The following TTLL11 variants were observed in gnomAD, a reference collection of about 807,000 sequenced individuals.
TTLL11 encodes tubulin polyglutamylase TTLL11.
Under a neutral mutation model 51.7 loss-of-function variants are expected in TTLL11, and 42 were observed. That is an observed-to-expected ratio of 0.81 (90% CI 0.64 to 1.05). TTLL11 has a LOEUF of 1.05. Among genes scored for constraint, TTLL11 ranks in the 50% least tolerant of loss-of-function variants. The pLI is 0.00. For missense variants in TTLL11, 799 were observed against 940.4 expected (o/e 0.85, Z 1.97); for synonymous variants, 381 against 383.5 (o/e 0.99, Z 0.08).
At chr9:122,060,325 A>G (rs1171771459) in intron 1 of TTLL11, among the ~76,000 whole-genome samples, 1 of 152,252 alleles carries the variant, frequency 6.6e-6, no homozygotes, top group East Asian at 1.9e-4. Context: ...AATTTAATAA[A>G]TACCTTTTCA....
intron 7 of TTLL11, among the ~76,000 whole-genome samples, chr9:121,868,622 A>C (rs1434948107): frequency 6.6e-6 from 1 of 152,204 alleles, no homozygotes; most frequent in Non-Finnish European, 1.5e-5. Flanking sequence ...ATGAGCAAAA[A>C]GACAGAAAGT....
At chr9:122,010,852 G>A (rs1177713862) in intron 3 of TTLL11, among the ~76,000 whole-genome samples, 3 of 152,192 alleles carry the variant, frequency 2.0e-5, no homozygotes, top group Admixed American at 6.5e-5. Context: ...GTGTCTGATA[G>A]GTCATGATTC....
chr9:121,976,983 G>A (rs1256402708), intron 4 of TTLL11, among the ~76,000 whole-genome samples: 1 of 152,210 alleles, frequency 6.6e-6, no homozygotes, highest in African/African-American at 2.4e-5. Flanking sequence ...GCAGCAGGCT[G>A]TGGTGATGAC....
At chr9:122,035,268 T>A (rs1382252739) in intron 2 of TTLL11, among the ~76,000 whole-genome samples, 2 of 152,192 alleles carry the variant, frequency 1.3e-5, no homozygotes, top group African/African-American at 4.8e-5. Flanking sequence ...CCTAGGTTTC[T>A]CAATAAGGTC....
At chr9:121,855,188 A>C (rs1837777242) in intron 8 of TTLL11, among the ~76,000 whole-genome samples, 1 of 152,180 alleles carries the variant, frequency 6.6e-6, no homozygotes, top group Admixed American at 6.5e-5. Flanking sequence ...AAAATAGCTA[A>C]TTTAAAAAGC....
intron 6 of TTLL11, 102 bp downstream of exon 6, chr9:121,973,907 C>T: frequency 5.9e-6 from 4 of 678,240 alleles, no homozygotes; most frequent in African/African-American, 3.7e-5. Context: ...ATGTAAATCT[C>T]ACTCACAATG....
At chr9:121,922,530 C>T (rs1473374382) in intron 6 of TTLL11, among the ~76,000 whole-genome samples, 3 of 152,176 alleles carry the variant, frequency 2.0e-5, no homozygotes, top group African/African-American at 4.8e-5. Context: ...CACTCTAGTG[C>T]CCCTAGAATT....
At chr9:121,952,444 C>A (rs1313789539) in intron 6 of TTLL11, among the ~76,000 whole-genome samples, 134 of 121,860 alleles carry the variant, frequency 1.1e-3, no homozygotes, top group African/African-American at 1.7e-3. Flanking sequence ...GACTCCGCCT[C>A]AAAAAAAAAA....
In TTLL11 at chr9:121,998,535, C is replaced by G. The variant is rs376723598; in HGVS notation, c.694-8765G>C. Among the ~76,000 whole-genome samples the G allele has an allele frequency of 3.0e-3, 456 of 152,042 alleles. 6 individuals are homozygous for G. The highest frequency in any genetic ancestry group is 0.011 in the African/African-American group (441 of 41,466). ...TCCTGACCTCAAGTGATCCACCCGC[C>G]TCGACCTCCCAAAGTGCTGGGATTA... On this transcript the variant is annotated intron_variant, in intron 3 of 8. Coordinates refer to ENST00000321582, the MANE Select transcript of TTLL11 (RefSeq NM_001139442.2).
intron 8 of TTLL11, among the ~76,000 whole-genome samples, chr9:121,834,296 A>C (rs1238112705): frequency 1.3e-5 from 2 of 152,152 alleles, no homozygotes; most frequent in African/African-American, 4.8e-5. Context: ...AGGACTCTAC[A>C]CATGGTAGAT....
At chr9:122,088,945 G>A (rs1846193140) in intron 1 of TTLL11, among the ~76,000 whole-genome samples, 1 of 147,844 alleles carries the variant, frequency 6.8e-6, no homozygotes, top group Non-Finnish European at 1.5e-5. Context: ...GGCAGAGGTT[G>A]TAGTGAGAGT....
intron 6 of TTLL11, among the ~76,000 whole-genome samples, chr9:121,914,411 C>T (rs2131508191): frequency 6.6e-6 from 1 of 152,286 alleles, no homozygotes; most frequent in South Asian, 2.1e-4. Flanking sequence ...ACCTGGGAGG[C>T]CTGGGTTGGG....
chr9:121,838,758 G>C (rs76224987), intron 8 of TTLL11, among the ~76,000 whole-genome samples: 1 of 90,704 alleles, frequency 1.1e-5, no homozygotes, highest in Non-Finnish European at 2.8e-5. Flanking sequence ...GAAAGAAAGA[G>C]AGAAAGCAAG....
At chr9:121,849,824 A>T (rs1837617328) in intron 8 of TTLL11, among the ~76,000 whole-genome samples, 1 of 152,212 alleles carries the variant, frequency 6.6e-6, no homozygotes, top group South Asian at 2.1e-4. Context: ...CTACTTTGGA[A>T]GACAGTCTGG....
intron 4 of TTLL11, among the ~76,000 whole-genome samples, chr9:121,984,649 C>G (rs1266314469): frequency 6.6e-6 from 1 of 151,514 alleles, no homozygotes; most frequent in African/African-American, 2.4e-5. Flanking sequence ...AGGAGGAGGT[C>G]AAAAAAACAA....
chr9:121,884,640 T>C (rs1245058909), intron 6 of TTLL11: 1 of 151,884 alleles, frequency 6.6e-6, no homozygotes, highest in Non-Finnish European at 1.5e-5. Context: ...AATGGAGAAA[T>C]TCCAGTTTTT....
chr9:122,022,997 A>G (rs2131785007), intron 3 of TTLL11, among the ~76,000 whole-genome samples: 1 of 152,062 alleles, frequency 6.6e-6, no homozygotes, highest in African/African-American at 2.4e-5. Context: ...GGAACCACTA[A>G]AAACAAAACA....
intron 4 of TTLL11, among the ~76,000 whole-genome samples, chr9:121,982,250 T>C (rs922838394): frequency 6.6e-6 from 1 of 152,186 alleles, no homozygotes; most frequent in African/African-American, 2.4e-5. Flanking sequence ...GAGATCACAG[T>C]GCTGAGCTAT....
At chr9:121,945,744 AT>A (rs1243931553) in intron 6 of TTLL11, among the ~76,000 whole-genome samples, 5 of 152,254 alleles carry the variant, frequency 3.3e-5, no homozygotes, top group African/African-American at 1.2e-4. Flanking sequence ...TTAAAAGTCA[AT>A]GTCCATGTCC....
Sources: gnomAD v4.1 joint callset for allele counts (sites outside exome capture counted in the v4.1 genomes callset) on GRCh38, gnomAD v4.1.1 for gene constraint, MANE v1.5 for transcripts, NCBI Gene and HGNC (gene_info 2026-07-23, HGNC 2026-07-21) for gene names.